The following KAZN variants were observed in gnomAD, a reference collection of about 807,000 sequenced individuals.
KAZN encodes kazrin, periplakin interacting protein.
KAZN carries 40 observed loss-of-function variants against 87.4 expected under a neutral mutation model. That is an observed-to-expected ratio of 0.46 (90% CI 0.36 to 0.60). KAZN has a LOEUF of 0.60. Ranked by LOEUF, KAZN falls within the 20% of genes least tolerant of loss-of-function variation. The probability of loss-of-function intolerance (pLI) is 0.00; values close to 1 mark genes in which losing one functional copy is unlikely to be tolerated. For synonymous variants in KAZN, 466 were observed against 458.3 expected (o/e 1.02, Z -0.22); for missense variants, 898 against 1,073.9 (o/e 0.84, Z 2.29).
rs562083402 is a variant in KAZN at position 14,418,248 on chromosome 1, C to T, written c.250-180735C>T. On this transcript the variant is annotated intron_variant, in intron 2 of 16. Coordinates refer to the KAZN transcript ENST00000636203. ...GGAAGATCTGAGTTCAGATTTTTAA[C>T]TCCACAAGTTCCTAACTATATGACC... 5.9e-5 allele frequency among the ~76,000 whole-genome samples: 9 copies of T among 152,204 alleles called. No homozygotes were observed. The East Asian group carries it at 1.8e-3, about 30-fold the overall frequency.
chr1:14,414,421 T>G (rs1664575411), intron 2 of KAZN, among the ~76,000 whole-genome samples: 1 of 149,786 alleles, frequency 6.7e-6, no homozygotes, highest in South Asian at 2.1e-4. Flanking sequence ...AAAAAATAAA[T>G]GAGTAACTTG....
At chr1:14,208,704 T>A (rs552556125) in intron 2 of KAZN, among the ~76,000 whole-genome samples, 6 of 152,350 alleles carry the variant, frequency 3.9e-5, no homozygotes, top group African/African-American at 1.4e-4. Context: ...GCAGCATGGA[T>A]ATAATTTTCT....
At chr1:14,334,882 G>T (rs1340678850) in intron 2 of KAZN, among the ~76,000 whole-genome samples, 2 of 152,148 alleles carry the variant, frequency 1.3e-5, no homozygotes, top group East Asian at 1.9e-4. Context: ...GATGCAGAGA[G>T]AGAGACAAAA....
rs1481606125 is a variant in KAZN, at chr1:14,184,121, A to G, written c.249+3529A>G. Among the ~76,000 whole-genome samples, 1 of 152,180 alleles carries G rather than the reference A, an allele frequency of 6.6e-6. No individual in the cohort carries two copies. Among genetic ancestry groups the G allele is most frequent in the Non-Finnish European group, 1.5e-5 (1 of 68,036 alleles). On this transcript the variant is annotated intron_variant, in intron 2 of 16. Transcript: ENST00000636203. This position sits in a 1 kb window ranked among gnomAD's most constrained non-coding sequence, Gnocchi z 4.2. ...TCTAAACAAATCTCGAACAAAGTCCATCGTTAGGCGGAAAAGACCTGAAAT... is the reference window on the plus strand; with the variant it reads ...TCTAAACAAATCTCGAACAAAGTCCGTCGTTAGGCGGAAAAGACCTGAAAT...
intron 2 of KAZN, among the ~76,000 whole-genome samples, chr1:14,435,592 C>G (rs1417792554): frequency 6.6e-6 from 1 of 152,204 alleles, no homozygotes; most frequent in Non-Finnish European, 1.5e-5. Flanking sequence ...CCACCACTAC[C>G]TCCTGGGACC....
chr1:14,964,242 T>C (rs1664198854), intron 2 of KAZN, among the ~76,000 whole-genome samples: 1 of 152,226 alleles, frequency 6.6e-6, no homozygotes, highest in Non-Finnish European at 1.5e-5. Context: ...CTGAGGGTAA[T>C]AGTAACAATG....
At position 14,575,770 on chromosome 1, in the gene KAZN, T is replaced by C. The variant is rs576738958; in HGVS notation, c.250-23213T>C. 1.2e-3 allele frequency among the ~76,000 whole-genome samples: 183 copies of C among 152,296 alleles called. 1 individual carries two copies. The highest frequency in any genetic ancestry group is 4.8e-3 in the Admixed American group (74 of 15,302). ...GGAACCTGGTCGTTCATCTATCCTATGGATATTTTTCGAGCCACTGAACAA... is the reference window on the plus strand; with the variant it reads ...GGAACCTGGTCGTTCATCTATCCTACGGATATTTTTCGAGCCACTGAACAA... On this transcript the variant is annotated intron_variant, in intron 2 of 16. Coordinates refer to the KAZN transcript ENST00000636203.
At chr1:14,339,877 C>G (rs984368248) in intron 2 of KAZN, among the ~76,000 whole-genome samples, 1 of 152,146 alleles carries the variant, frequency 6.6e-6, no homozygotes, top group Non-Finnish European at 1.5e-5. Context: ...CAGCCTTTCC[C>G]CCTTCCCATG....
chr1:14,087,220 T>C (rs752383768), intron 1 of KAZN, among the ~76,000 whole-genome samples: 8 of 152,184 alleles, frequency 5.3e-5, no homozygotes, highest in Non-Finnish European at 1.2e-4. Context: ...TCTCACAATT[T>C]TGATGCTATC....
At chr1:14,965,420 C>G (rs1664346751) in intron 2 of KAZN, among the ~76,000 whole-genome samples, 1 of 152,182 alleles carries the variant, frequency 6.6e-6, no homozygotes, top group Non-Finnish European at 1.5e-5. Context: ...TGTTGATTTC[C>G]TCAGGCCTCC....
Position 15,026,723 on chromosome 1 carries a change from G to GA in KAZN, c.419-8014dup, listed in dbSNP as rs35459848. Among the ~76,000 whole-genome samples, 4 of 150,230 alleles carry GA rather than the reference G, an allele frequency of 2.7e-5. No homozygotes were observed. The East Asian group carries it at 5.9e-4, about 22-fold the overall frequency. On this transcript the variant is annotated intron_variant, in intron 2 of 14. Transcript: ENST00000376030. ...CCAACCAAGGATCGAAAATAATTTG[G>GA]AAAAAAAAAAAATGGATAGTTGTGC...
chr1:14,203,805 A>C (rs1027563838), intron 2 of KAZN, among the ~76,000 whole-genome samples: 2 of 152,206 alleles, frequency 1.3e-5, no homozygotes, highest in African/African-American at 4.8e-5. Context: ...AGGGAGAGTG[A>C]AAGAATCTTT....
At chr1:14,160,113 T>A (rs1041366542) in intron 1 of KAZN, among the ~76,000 whole-genome samples, 2 of 152,234 alleles carry the variant, frequency 1.3e-5, no homozygotes, top group Non-Finnish European at 2.9e-5. Context: ...CCACTGTCTC[T>A]GGGCCCAGTT....
chr1:14,544,353 T>TC (rs1444150376), intron 2 of KAZN, among the ~76,000 whole-genome samples: 26 of 129,066 alleles, frequency 2.0e-4, no homozygotes, highest in Non-Finnish European at 2.0e-4. Flanking sequence ...TTTCTTTCTT[T>TC]TTTTTTTTTT....
intron 8 of KAZN, among the ~76,000 whole-genome samples, chr1:15,082,494 GA>G (rs1400369480): frequency 6.6e-6 from 1 of 152,102 alleles, no homozygotes; most frequent in East Asian, 1.9e-4. Flanking sequence ...AATAGTAAAA[GA>G]AGAAAAAAAA....
chr1:14,221,632 C>G (rs1462518854), intron 2 of KAZN, among the ~76,000 whole-genome samples: 1 of 152,076 alleles, frequency 6.6e-6, no homozygotes, highest in Non-Finnish European at 1.5e-5. Flanking sequence ...ACCATTATTG[C>G]ACCAATTTTG....
rs572632222 is a variant in KAZN, at chr1:14,635,421, G to A, written c.226+36198G>A. ...CAGACATTGCTGTGTGACAGTGCACGGGATAGTCCCCTCATACCCTATGAG... is the reference window on the plus strand; with the variant it reads ...CAGACATTGCTGTGTGACAGTGCACAGGATAGTCCCCTCATACCCTATGAG... On this transcript the variant is annotated intron_variant, in intron 1 of 14. Transcript: ENST00000376030. 9.1e-4 allele frequency among the ~76,000 whole-genome samples: 139 copies of A among 152,308 alleles called. No homozygotes were observed. The Middle Eastern group carries it at 0.014, about 15-fold the overall frequency.
intron 2 of KAZN, among the ~76,000 whole-genome samples, chr1:14,197,967 T>C (rs912634685): frequency 6.6e-6 from 1 of 152,120 alleles, no homozygotes; most frequent in Non-Finnish European, 1.5e-5. Context: ...AATAAAGACA[T>C]GTGTCCTCAG....
intron 1 of KAZN, among the ~76,000 whole-genome samples, chr1:14,915,428 A>C (rs190804750): frequency 5.3e-5 from 8 of 152,242 alleles, no homozygotes; most frequent in Non-Finnish European, 8.8e-5. Context: ...CTCAAATCAC[A>C]CGCAGGAAAT....
Sources: gnomAD v4.1 joint callset for allele counts (sites outside exome capture counted in the v4.1 genomes callset) on GRCh38, gnomAD v4.1.1 for gene constraint, Gnocchi (gnomAD v3.1) non-coding constraint, MANE v1.5 for transcripts, NCBI Gene and HGNC (gene_info 2026-07-23, HGNC 2026-07-21) for gene names.